The following XRCC4 variants were observed in gnomAD, a reference collection of about 807,000 sequenced individuals.
XRCC4 encodes X-ray repair cross complementing 4, also known as DNA repair protein XRCC4.
XRCC4 carries 28 observed loss-of-function variants against 39.1 expected under a neutral mutation model. The observed-to-expected ratio is 0.72, with a 90% CI of 0.53 to 0.98. XRCC4 has a LOEUF of 0.98. Among genes scored for constraint, XRCC4 ranks in the 50% least tolerant of loss-of-function variants. The pLI is 0.00. For missense variants in XRCC4, 350 were observed against 376.4 expected (o/e 0.93, Z 0.58); for synonymous variants, 123 against 126.4 (o/e 0.97, Z 0.18).
chr5:83,356,376 T>C (rs1355226204), downstream of XRCC4, among the ~76,000 whole-genome samples: 2 of 152,150 alleles, frequency 1.3e-5, no homozygotes, highest in Non-Finnish European at 2.9e-5. Context: ...AGAAATTTTC[T>C]TATCTTTTGG....
intron 6 of XRCC4, among the ~76,000 whole-genome samples, chr5:83,212,669 T>TGTA (rs373384535): frequency 2.0e-5 from 3 of 152,260 alleles, no homozygotes; most frequent in African/African-American, 7.2e-5. Flanking sequence ...GGCTCACACC[T>TGTA]GTAATCCTAG....
intron 6 of XRCC4, among the ~76,000 whole-genome samples, chr5:83,217,828 GTATAACAC>G (rs1751922293): frequency 6.6e-6 from 1 of 152,074 alleles, no homozygotes; most frequent in African/African-American, 2.4e-5. Context: ...CATCTTGTAG[GTATAACAC>G]TTGTTCTGCC....
At chr5:83,368,495 A>AAC in the XRCC4 span, among the ~76,000 whole-genome samples, 1 of 152,118 alleles carries the variant, frequency 6.6e-6, no homozygotes, top group African/African-American at 2.4e-5. Context: ...GTGACTAACT[A>AAC]ACCGCTCTCC....
At chr5:83,153,194 G>C (rs991379267) in intron 3 of XRCC4, among the ~76,000 whole-genome samples, 1 of 149,976 alleles carries the variant, frequency 6.7e-6, no homozygotes, top group Non-Finnish European at 1.5e-5. Context: ...GCTGTTTCAT[G>C]TAACAATAGT....
chr5:83,254,916 G>A (rs1753473967), intron 6 of XRCC4, among the ~76,000 whole-genome samples: 1 of 151,836 alleles, frequency 6.6e-6, no homozygotes, highest in African/African-American at 2.4e-5. Flanking sequence ...GTGAAACCGT[G>A]TCTCTACTAA....
At chr5:83,146,360 C>T (rs530721207) in intron 3 of XRCC4, among the ~76,000 whole-genome samples, 1 of 152,254 alleles carries the variant, frequency 6.6e-6, no homozygotes, top group East Asian at 1.9e-4. Flanking sequence ...AAGTAATAAG[C>T]CCAGGTCATG....
intron 7 of XRCC4, among the ~76,000 whole-genome samples, chr5:83,330,568 C>T (rs1457514101): frequency 1.3e-5 from 2 of 151,814 alleles, no homozygotes; most frequent in Non-Finnish European, 2.9e-5. Flanking sequence ...ATGATTAATG[C>T]ACAGTATAAG....
chr5:83,363,959 CT>C, the XRCC4 span, among the ~76,000 whole-genome samples: 192 of 152,276 alleles, frequency 1.3e-3, no homozygotes, highest in Non-Finnish European at 2.4e-3. Flanking sequence ...GTTCACATTT[CT>C]TTCTTAAGGC....
intron 3 of XRCC4, among the ~76,000 whole-genome samples, chr5:83,180,965 A>G (rs1580337259): frequency 6.6e-6 from 1 of 151,220 alleles, no homozygotes; most frequent in Admixed American, 6.6e-5. Flanking sequence ...GATAATTTAA[A>G]AAGTCAAATA....
intron 3 of XRCC4, among the ~76,000 whole-genome samples, chr5:83,115,514 T>C (rs1186096153): frequency 6.6e-6 from 1 of 152,210 alleles, no homozygotes; most frequent in East Asian, 1.9e-4. Flanking sequence ...ATGGAGTACT[T>C]GCCATGACTG....
intron 7 of XRCC4, among the ~76,000 whole-genome samples, chr5:83,266,490 T>C (rs1223954532): frequency 6.6e-6 from 1 of 150,984 alleles, no homozygotes; most frequent in African/African-American, 2.4e-5. Flanking sequence ...TGTCAGCAAA[T>C]GGAAGAAAGA....
chr5:83,310,195 G>A (rs1755657355), intron 7 of XRCC4, among the ~76,000 whole-genome samples: 1 of 152,168 alleles, frequency 6.6e-6, no homozygotes, highest in African/African-American at 2.4e-5. Flanking sequence ...ATTTTAGGAA[G>A]CAGTAAGAAT....
intron 6 of XRCC4, among the ~76,000 whole-genome samples, chr5:83,211,237 C>T (rs1243639167): frequency 6.6e-6 from 1 of 152,202 alleles, no homozygotes; most frequent in East Asian, 1.9e-4. Flanking sequence ...TGCCTGCCCA[C>T]ATTCATGAGT....
At chr5:83,161,782 C>T (rs1484279947) in intron 3 of XRCC4, among the ~76,000 whole-genome samples, 1 of 152,146 alleles carries the variant, frequency 6.6e-6, no homozygotes, top group Non-Finnish European at 1.5e-5. Flanking sequence ...GTCCTTGAAC[C>T]TGTATTATGA....
At chr5:83,266,135 CATAGA>C (rs1328310711) in intron 7 of XRCC4, among the ~76,000 whole-genome samples, 1 of 151,730 alleles carries the variant, frequency 6.6e-6, no homozygotes, top group Non-Finnish European at 1.5e-5. Context: ...ACTCTACCAA[CATAGA>C]ATAATGTGTA....
chr5:83,200,141 T>C (rs893337607), intron 4 of XRCC4, among the ~76,000 whole-genome samples: 2 of 152,166 alleles, frequency 1.3e-5, no homozygotes, highest in Non-Finnish European at 2.9e-5. Context: ...TAGGAGAGGA[T>C]TGGCATTAAA....
intron 3 of XRCC4, among the ~76,000 whole-genome samples, chr5:83,172,540 T>C (rs902035791): frequency 7.9e-5 from 12 of 152,288 alleles, no homozygotes; most frequent in Middle Eastern, 3.4e-3. Context: ...TAGTGCTCTG[T>C]GTATTTACTT....
chr5:83,286,463 G>C (rs75083903), intron 7 of XRCC4, among the ~76,000 whole-genome samples: 37 of 152,144 alleles, frequency 2.4e-4, no homozygotes, highest in Non-Finnish European at 5.0e-4. Flanking sequence ...TGTGATTATG[G>C]GGGCTGGCAA....
Position 83,164,806 on chromosome 5 carries a change from G to A in XRCC4, c.316-30964G>A, listed in dbSNP as rs147396676. ...ATATTTTCTCCCAGATTAAGTAAGG[G>A]TACATCTGTGAATCACACTGATTTC... On this transcript the variant is annotated intron_variant, in intron 3 of 7. Coordinates refer to ENST00000396027, the MANE Select transcript of XRCC4 (RefSeq NM_003401.5). Among the ~76,000 whole-genome samples the A allele has an allele frequency of 7.7e-3, 1,171 of 152,012 alleles. 12 individuals are homozygous for A. The highest frequency in any genetic ancestry group is 0.026 in the African/African-American group (1,095 of 41,490).
Sources: gnomAD v4.1 joint callset for allele counts (sites outside exome capture counted in the v4.1 genomes callset) on GRCh38, gnomAD v4.1.1 for gene constraint, MANE v1.5 for transcripts, NCBI Gene and HGNC (gene_info 2026-07-23, HGNC 2026-07-21) for gene names.